ABCG8: variants seen among roughly 807,000 people sequenced by gnomAD.
The protein encoded by ABCG8 is ATP-binding cassette sub-family G member 8.
In ABCG8, 81 loss-of-function variants were observed where a neutral mutation model predicts 71.3. The ratio of observed to expected loss-of-function variants is 1.14; its 90% confidence interval spans 0.95 to 1.37. ABCG8 has a LOEUF of 1.37. Ranked by LOEUF, ABCG8 falls within the 40% of genes most tolerant of loss-of-function variation. The pLI, the probability that ABCG8 is intolerant of heterozygous loss-of-function variation, is 0.00. For synonymous variants in ABCG8, 451 were observed against 354.7 expected (o/e 1.27, Z -3.05); for missense variants, 1,119 against 866.2 (o/e 1.29, Z -3.66).
intron 6 of ABCG8, among the ~76,000 whole-genome samples, chr2:43,864,165 A>T (rs1669436898): frequency 6.7e-6 from 1 of 150,064 alleles, no homozygotes; most frequent in South Asian, 2.1e-4. Flanking sequence ...TAAAATACTC[A>T]CTCTCTGGAT....
rs1281103025 is a variant in ABCG8, at chr2:43,851,618, T to C, written c.357T>C (p.Thr119=). ...GAGCCTCCTTGCTAGATGTGATCACTGGCCGAGGTCACGGCGGCAAGATCA... is the reference window on the plus strand; with the variant it reads ...GAGCCTCCTTGCTAGATGTGATCACCGGCCGAGGTCACGGCGGCAAGATCA... ...CGRASLLDVI[T]GRGHGGKIKS... Residue 119 remains threonine, a synonymous_variant, in exon 4 of 13, where the codon ACT becomes ACC. Transcript: ENST00000272286. The C allele has an allele frequency of 1.2e-6, 2 of 1,614,212 alleles. No individual in the cohort carries two copies. Among genetic ancestry groups the C allele is most frequent in the African/African-American group, 2.7e-5 (2 of 75,054 alleles).
At chr2:43,842,543 G>A (rs528402876) in intron 1 of ABCG8, among the ~76,000 whole-genome samples, 1 of 152,042 alleles carries the variant, frequency 6.6e-6, no homozygotes, top group Admixed American at 6.6e-5. Flanking sequence ...TTGGCAACTG[G>A]GGTTGAGGTG....
At chr2:43,852,098 G>T (rs1668937823) in intron 4 of ABCG8, among the ~76,000 whole-genome samples, 1 of 152,204 alleles carries the variant, frequency 6.6e-6, no homozygotes, top group Non-Finnish European at 1.5e-5. Flanking sequence ...GCCTCCATGT[G>T]GGTAGAGAGC....
chr2:43,862,954 A>T (rs1375637982), intron 6 of ABCG8, among the ~76,000 whole-genome samples: 1 of 150,796 alleles, frequency 6.6e-6, no homozygotes, highest in African/African-American at 2.4e-5. Context: ...TAGAACTCTT[A>T]CTATCAATCT....
rs1390675561 is a variant in ABCG8 at position 43,852,581 on chromosome 2, C to T, written c.695-18C>T. 5.6e-6 allele frequency: 9 copies of T among 1,614,002 alleles called. No individual in the cohort carries two copies. Among genetic ancestry groups the T allele is most frequent in the East Asian group, 2.2e-5 (1 of 44,876 alleles). On this transcript the variant is annotated intron_variant, in intron 5 of 12. Coordinates refer to ENST00000272286, the MANE Select transcript of ABCG8 (RefSeq NM_022437.3). ...CAGAGCCCCACCGACTCACCAGGCTCCTCTCTGTGTTGGAAAGGAATCCTT... is the reference window on the plus strand; with the variant it reads ...CAGAGCCCCACCGACTCACCAGGCTTCTCTCTGTGTTGGAAAGGAATCCTT...
At chr2:43,857,269 G>T (rs1225740399) in intron 6 of ABCG8, among the ~76,000 whole-genome samples, 1 of 147,126 alleles carries the variant, frequency 6.8e-6, no homozygotes, top group Non-Finnish European at 1.5e-5. Context: ...TCTCACTATC[G>T]GTCTGGATAA....
chr2:43,874,067 T>A, intron 9 of ABCG8, 81 bp downstream of exon 9: 1 of 1,324,138 alleles, frequency 7.6e-7, no homozygotes, highest in Non-Finnish European at 1.0e-6. Context: ...GGGGAGCGGG[T>A]TTGATTTCAT....
chr2:43,858,044 TA>T (rs1230540985), intron 6 of ABCG8, among the ~76,000 whole-genome samples: 1 of 150,338 alleles, frequency 6.7e-6, no homozygotes, highest in Non-Finnish European at 1.5e-5. Context: ...ATAGAATTCT[TA>T]CCATCTGGAT....
At chr2:43,854,028 A>G (rs1432143022) in intron 6 of ABCG8, among the ~76,000 whole-genome samples, 1 of 152,246 alleles carries the variant, frequency 6.6e-6, no homozygotes, top group African/African-American at 2.4e-5. Flanking sequence ...ATAGGGGCCA[A>G]AAGGCACCTG....
At chr2:43,874,361 A>G in intron 9 of ABCG8, 46 bp from the exon 10 acceptor site, 1 of 1,422,694 alleles carries the variant, frequency 7.0e-7, no homozygotes. Context: ...AGCACTGTAG[A>G]TTTATTCTAC....
Position 43,880,441 on chromosome 2 carries a change from T to C in ABCG8, c.*2528T>C, listed in dbSNP as rs560188650. 3.3e-5 allele frequency: 5 copies of C among 152,344 alleles called. No individual in the cohort carries two copies. The highest frequency in any genetic ancestry group is 2.1e-4 in the South Asian group (1 of 4,826). The allele number at this position is 152,344 out of a possible 1,614,324, so 9.4% of individuals were successfully genotyped here. On this transcript the variant is annotated 3_prime_UTR_variant, in exon 13 of 13. Coordinates refer to ENST00000272286, the MANE Select transcript of ABCG8 (RefSeq NM_022437.3). ...TGCCTGCTTCGGCCTCCCAAAGTGTTGGGATTACAGGTGTGACCCACCGCA... is the reference window on the plus strand; with the variant it reads ...TGCCTGCTTCGGCCTCCCAAAGTGTCGGGATTACAGGTGTGACCCACCGCA...
At chr2:43,851,927 T>A in intron 4 of ABCG8, 105 bp downstream of exon 4, 3 of 1,308,048 alleles carry the variant, frequency 2.3e-6, no homozygotes, top group East Asian at 2.3e-5. Flanking sequence ...GCAGGTCGAG[T>A]TTGAACAACT....
chr2:43,874,501 A>T lies in ABCG8; in HGVS notation c.1488+18A>T. On this transcript the variant is annotated intron_variant, in intron 10 of 12. Transcript: ENST00000272286. ...TTGCCAAGGTGACTGGGCAGGGTTG[A>T]GAGCAAGTGCCCCCCACCCACCAGG... The T allele has an allele frequency of 6.5e-7, 1 of 1,544,910 alleles. No homozygotes were observed. Among genetic ancestry groups the T allele is most frequent in the Middle Eastern group, 1.7e-4 (1 of 5,944 alleles).
chr2:43,842,167 G>A (rs1668600772), intron 1 of ABCG8, among the ~76,000 whole-genome samples: 1 of 152,050 alleles, frequency 6.6e-6, no homozygotes, highest in South Asian at 2.1e-4. Flanking sequence ...GTGCCACCAT[G>A]CCCGGCAATT....
chr2:43,868,569 G>A (rs1268758887), intron 6 of ABCG8, among the ~76,000 whole-genome samples: 5 of 151,448 alleles, frequency 3.3e-5, no homozygotes, highest in African/African-American at 1.2e-4. Flanking sequence ...ACCAGCTGGA[G>A]AGAACTCTCA....
chr2:43,840,556 G>A (rs1438652247), intron 1 of ABCG8, among the ~76,000 whole-genome samples: 1 of 152,206 alleles, frequency 6.6e-6, no homozygotes, highest in Non-Finnish European at 1.5e-5. Context: ...TGGAACAAGA[G>A]GATGAGGGTC....
At chr2:43,872,654 T>C (rs1332092642) in intron 8 of ABCG8, among the ~76,000 whole-genome samples, 1 of 152,114 alleles carries the variant, frequency 6.6e-6, no homozygotes, top group East Asian at 1.9e-4. Flanking sequence ...GAGGCTGCAG[T>C]GAGCCGTGAT....
intron 6 of ABCG8, among the ~76,000 whole-genome samples, chr2:43,863,688 C>T (rs1479831652): frequency 6.6e-6 from 1 of 151,428 alleles, no homozygotes; most frequent in Non-Finnish European, 1.5e-5. Flanking sequence ...CTGGATAGAA[C>T]TCTCACTATC....
At position 43,879,455 on chromosome 2, in the gene ABCG8, T is replaced by C. The variant is rs1256877414; in HGVS notation, c.*1542T>C. Reference sequence around the variant, plus strand: ...AGCCTCAGGCCCCACCCAGGCTCAATGAGTCAGAGTCTGCGTCTTAAGAAG... The same window carrying C: ...AGCCTCAGGCCCCACCCAGGCTCAACGAGTCAGAGTCTGCGTCTTAAGAAG... On this transcript the variant is annotated 3_prime_UTR_variant, in exon 13 of 13. Coordinates refer to ENST00000272286, the MANE Select transcript of ABCG8 (RefSeq NM_022437.3). The C allele has an allele frequency of 6.6e-6, 1 of 152,210 alleles. No homozygotes were observed. The highest frequency in any genetic ancestry group is 6.6e-5 in the Admixed American group (1 of 15,266). 9.4% of individuals were successfully genotyped at this position (152,210 alleles called of 1,614,324 possible). A position where few individuals can be genotyped will look rare whatever the true frequency, so the allele number is the denominator to read the frequency against.
Sources: gnomAD v4.1 joint callset for allele counts (sites outside exome capture counted in the v4.1 genomes callset) on GRCh38, gnomAD v4.1.1 for gene constraint, MANE v1.5 for transcripts, NCBI Gene and HGNC (gene_info 2026-07-23, HGNC 2026-07-21) for gene names.